The following MTUS1 variants were observed in gnomAD, a reference collection of about 807,000 sequenced individuals.
The protein encoded by MTUS1 is microtubule-associated tumor suppressor 1.
A neutral mutation model predicts 120.8 loss-of-function variants in MTUS1; 109 were observed. The ratio of observed to expected loss-of-function variants is 0.90; its 90% CI spans 0.77 to 1.06. The LOEUF (loss-of-function observed/expected upper bound fraction) is 1.06. Ranked by LOEUF, MTUS1 falls within the 50% of genes least tolerant of loss-of-function variation. MTUS1 has a pLI of 0.00. For synonymous variants in MTUS1, 737 were observed against 550.5 expected (o/e 1.34, Z -4.74); for missense variants, 2,210 against 1,486.3 (o/e 1.49, Z -8.01).
chr8:17,723,461 C>A, intron 4 of MTUS1: 1 of 614,224 alleles, frequency 1.6e-6, no homozygotes, highest in Non-Finnish European at 2.9e-6. Context: ...TCGAATCCTT[C>A]ATGCAAAAAT....
chr8:17,737,480 T>C (rs546242613), intron 3 of MTUS1, among the ~76,000 whole-genome samples: 110 of 152,328 alleles, frequency 7.2e-4, no homozygotes, highest in African/African-American at 2.4e-3. Flanking sequence ...TAGCGACACA[T>C]TAAAATTAAA....
At chr8:17,758,841 C>A (rs1449240428) in intron 1 of MTUS1, among the ~76,000 whole-genome samples, 1 of 152,174 alleles carries the variant, frequency 6.6e-6, no homozygotes, top group Non-Finnish European at 1.5e-5. Flanking sequence ...GATTTTTAAA[C>A]CTCATATAAA....
intron 6 of MTUS1, chr8:17,697,477 C>T: frequency 6.8e-7 from 1 of 1,481,000 alleles, no homozygotes; most frequent in Non-Finnish European, 9.0e-7. Flanking sequence ...CCAAGAAATA[C>T]AGTCAGAGGA....
In MTUS1 at chr8:17,647,281, T is replaced by G. The variant is rs567032129; in HGVS notation, c.3502-202A>C. 1.7e-5 allele frequency: 9 copies of G among 527,228 alleles called. No homozygotes were observed. The South Asian group carries it at 2.0e-4, about 12-fold the overall frequency. 32.7% of individuals were successfully genotyped at this position (527,228 alleles called of 1,614,324 possible). On this transcript the variant is annotated intron_variant, in intron 13 of 14. Coordinates refer to ENST00000693296, the MANE Select transcript of MTUS1 (RefSeq NM_001363059.2). Reference sequence around the variant, plus strand: ...AGAGCGGCTGGGTATTTTTAAAACATGTATGCCAGGACACTTAAATATTGA... The same window carrying G: ...AGAGCGGCTGGGTATTTTTAAAACAGGTATGCCAGGACACTTAAATATTGA...
rs920378645 is a variant in MTUS1, at chr8:17,644,090, G to A, written c.*1836C>T. On this transcript the variant is annotated 3_prime_UTR_variant, in exon 15 of 15. Coordinates refer to ENST00000693296, the MANE Select transcript of MTUS1 (RefSeq NM_001363059.2). ...CAGGGAACAACACAAGATTTACCAT[G>A]CCTAGGGGATGAATGGCAAACCCAA... is the stretch of plus-strand genomic sequence containing the variant. 2.0e-5 allele frequency: 3 copies of A among 152,180 alleles called. No homozygotes were observed. Among genetic ancestry groups the A allele is most frequent in the African/African-American group, 7.2e-5 (3 of 41,444 alleles). 9.4% of individuals were successfully genotyped at this position (152,180 alleles called of 1,614,324 possible).
At chr8:17,685,331 C>T (rs973200111) in intron 6 of MTUS1, among the ~76,000 whole-genome samples, 7 of 152,048 alleles carry the variant, frequency 4.6e-5, no homozygotes, top group Non-Finnish European at 1.0e-4. Context: ...AAATAAAAAA[C>T]TGTTCAGTCT....
At chr8:17,683,643 T>C (rs558854198) in intron 7 of MTUS1, among the ~76,000 whole-genome samples, 1 of 152,086 alleles carries the variant, frequency 6.6e-6, no homozygotes, top group Admixed American at 6.6e-5. Context: ...TTTAAAACTG[T>C]GATTTAAAAA....
Position 17,755,903 on chromosome 8 carries a change from A to G in MTUS1, c.-96T>C, listed in dbSNP as rs2048573633. ...AAATGGTCTGTCTTCTAGGTTTTTC[A>G]GCACAGTTGAAAGGTTTTCAGTCTA... On this transcript the variant is annotated 5_prime_UTR_variant, in exon 2 of 15. Transcript: ENST00000693296. The G allele has an allele frequency of 1.3e-6, 2 of 1,491,374 alleles. No individual in the cohort carries two copies. Among genetic ancestry groups the G allele is most frequent in the Admixed American group, 2.4e-5 (1 of 41,790 alleles). 92.4% of individuals were successfully genotyped at this position (1,491,374 alleles called of 1,614,324 possible).
intron 1 of MTUS1, among the ~76,000 whole-genome samples, chr8:17,759,336 T>C (rs1334782028): frequency 1.3e-5 from 2 of 151,164 alleles, no homozygotes; most frequent in African/African-American, 2.4e-5. Flanking sequence ...TGATTACAGC[T>C]TACTGCAGCC....
chr8:17,737,128 C>T (rs1191682006), intron 3 of MTUS1, among the ~76,000 whole-genome samples: 1 of 152,182 alleles, frequency 6.6e-6, no homozygotes, highest in East Asian at 1.9e-4. Context: ...AAGACTTCTG[C>T]ATGCACGTAA....
intron 10 of MTUS1, 80 bp downstream of exon 10, chr8:17,654,481 T>C: frequency 9.8e-7 from 1 of 1,025,488 alleles, no homozygotes; most frequent in Non-Finnish European, 1.5e-6. Context: ...AGCAGGAAGT[T>C]ATGAATCATT....
intron 7 of MTUS1, among the ~76,000 whole-genome samples, chr8:17,677,016 GACTGGGATTTAAGACCCACTTTTC>G (rs1360532058): frequency 1.3e-5 from 2 of 152,182 alleles, no homozygotes; most frequent in Non-Finnish European, 2.9e-5. Flanking sequence ...GGTCAGCAGG[GACTGGGATTTAAGACCCACTTTTC>G]ACTGAGTACC....
chr8:17,654,590 A>G lies in MTUS1; in HGVS notation c.3185T>C (p.Leu1062Pro), dbSNP rs1807792721. The change falls in exon 10 of 15, where the codon CTA becomes CCA. Residue 1062 changes from leucine to proline, a missense_variant. Leu to Pro is a moderately conservative substitution (Grantham distance 98, BLOSUM62 -3). Coordinates refer to ENST00000693296, the MANE Select transcript of MTUS1 (RefSeq NM_001363059.2). ...AAGGGAGGCTTCATAGGCCTTCTTT[A>G]GCAATTCAAGTTTCTCTGAGTGGCT... is the stretch of plus-strand genomic sequence containing the variant. ...EASHSEKLEL[L>P]KKAYEASLSE... 1 of 1,613,844 alleles carries G rather than the reference A, an allele frequency of 6.2e-7. No individual in the cohort carries two copies. The highest frequency in any genetic ancestry group is 8.5e-7 in the Non-Finnish European group (1 of 1,179,680).
At chr8:17,781,874 G>A (rs774592377) in intron 1 of MTUS1, among the ~76,000 whole-genome samples, 3 of 152,074 alleles carry the variant, frequency 2.0e-5, no homozygotes, top group Non-Finnish European at 4.4e-5. Context: ...ATAATCATGA[G>A]GCCGCCTTTA....
At chr8:17,675,089 A>G in intron 8 of MTUS1, 97 bp downstream of exon 8, 1 of 1,581,630 alleles carries the variant, frequency 6.3e-7, no homozygotes, top group Non-Finnish European at 8.6e-7. Context: ...AACAGCTCCC[A>G]GCATGCAACT....
At chr8:17,706,149 T>G (rs979769315) in intron 6 of MTUS1, 6 of 152,096 alleles carry the variant, frequency 3.9e-5, no homozygotes, top group African/African-American at 1.4e-4. Flanking sequence ...AATAAGCCCC[T>G]AGAATTATAA....
intron 4 of MTUS1, among the ~76,000 whole-genome samples, chr8:17,719,249 G>GA (rs201189392): frequency 0.012 from 1,841 of 152,292 alleles, 42 homozygotes; most frequent in African/African-American, 0.042. Context: ...AACACCTAGT[G>GA]AAAATTCGCT....
At chr8:17,724,027 G>C (rs905481299) in intron 3 of MTUS1, 194 bp from the exon 4 acceptor site, 22 of 580,426 alleles carry the variant, frequency 3.8e-5, no homozygotes, top group Middle Eastern at 5.3e-4. Context: ...TTAGAGGCAA[G>C]AGAGCAGAAA....
At chr8:17,676,195 G>C in intron 7 of MTUS1, 1 of 699,378 alleles carries the variant, frequency 1.4e-6, no homozygotes, top group African/African-American at 1.7e-5. Flanking sequence ...GTCATTCAAA[G>C]CATTTTCCCT....
Sources: allele counts gnomAD v4.1 joint callset (sites outside exome capture counted in the v4.1 genomes callset), GRCh38; gene constraint gnomAD v4.1.1; transcripts MANE v1.5; gene names NCBI Gene and HGNC (gene_info 2026-07-23, HGNC 2026-07-21).